MAP3K20: variants seen among roughly 807,000 people sequenced by gnomAD.
MAP3K20 encodes HCCS-4.
Under a neutral mutation model 85.7 loss-of-function variants are expected in MAP3K20, and 40 were observed. That is an observed-to-expected ratio of 0.47 (90% CI 0.36 to 0.61). The LOEUF is 0.61. Among genes scored for constraint, MAP3K20 ranks in the 20% least tolerant of loss-of-function variants. The probability of loss-of-function intolerance (pLI) is 0.00; values close to 1 mark genes in which losing one functional copy is unlikely to be tolerated. For missense variants in MAP3K20, 817 were observed against 961.7 expected, an observed-to-expected ratio of 0.85 and a Z score of 1.99; for synonymous variants, 325 against 327.7, an observed-to-expected ratio of 0.99 and a Z score of 0.09.
At chr2:173,163,709 C>G (rs572984443) in intron 2 of MAP3K20, among the ~76,000 whole-genome samples, 6 of 152,062 alleles carry the variant, frequency 3.9e-5, no homozygotes, top group Non-Finnish European at 8.8e-5. Context: ...AGTGCTGGGA[C>G]GAACATGTGT....
At chr2:173,223,267 G>A (rs892016113) in intron 11 of MAP3K20, 1 of 982,366 alleles carries the variant, frequency 1.0e-6, no homozygotes, top group Admixed American at 6.2e-5. Context: ...AGAATCCTGG[G>A]CTCAGTTGCT....
intron 5 of MAP3K20, among the ~76,000 whole-genome samples, chr2:173,190,023 TA>T (rs1690601648): frequency 6.6e-6 from 1 of 152,156 alleles, no homozygotes; most frequent in South Asian, 2.1e-4. Flanking sequence ...TCCCTCCACA[TA>T]AAATTGTTCA....
At chr2:173,096,815 T>G in intron 2 of MAP3K20, among the ~76,000 whole-genome samples, 1 of 152,232 alleles carries the variant, frequency 6.6e-6, no homozygotes, top group East Asian at 1.9e-4. Context: ...AGTGTACTAT[T>G]TATTTCTGTT....
At chr2:173,202,341 G>A (rs1284219494) in intron 8 of MAP3K20, among the ~76,000 whole-genome samples, 1 of 152,114 alleles carries the variant, frequency 6.6e-6, no homozygotes, top group African/African-American at 2.4e-5. Context: ...CAGAATACAG[G>A]TTGTCAGTTT....
chr2:173,146,114 G>A (rs578215823), intron 2 of MAP3K20, among the ~76,000 whole-genome samples: 21 of 152,120 alleles, frequency 1.4e-4, no homozygotes, highest in Admixed American at 2.6e-4. Context: ...CTTGATTAAG[G>A]TCATACATAG....
chr2:173,117,132 A>G (rs1230028635), intron 2 of MAP3K20, among the ~76,000 whole-genome samples: 1 of 152,258 alleles, frequency 6.6e-6, no homozygotes, highest in Non-Finnish European at 1.5e-5. Flanking sequence ...TAACAATGCA[A>G]TCAATTAAAT....
At chr2:173,190,307 G>T (rs1690611626) in intron 5 of MAP3K20, among the ~76,000 whole-genome samples, 1 of 152,098 alleles carries the variant, frequency 6.6e-6, no homozygotes, top group African/African-American at 2.4e-5. Context: ...ATCTATCCCA[G>T]TTTGTTGTAG....
At chr2:173,223,847 A>G (rs1235392888) in intron 11 of MAP3K20, 32 of 985,320 alleles carry the variant, frequency 3.2e-5, no homozygotes, top group Non-Finnish European at 3.7e-5. Context: ...CCAAGAAGAA[A>G]AGCTTGGAGT....
intron 10 of MAP3K20, among the ~76,000 whole-genome samples, chr2:173,215,466 T>C (rs1414516543): frequency 6.6e-6 from 1 of 152,218 alleles, no homozygotes; most frequent in Admixed American, 6.5e-5. Context: ...AGGGATAAAA[T>C]TTGGATTTTA....
intron 1 of MAP3K20, among the ~76,000 whole-genome samples, chr2:173,076,457 G>A (rs1039298226): frequency 2.0e-5 from 3 of 152,172 alleles, no homozygotes; most frequent in Admixed American, 2.0e-4. Context: ...CCAAATCAGG[G>A]TAGGGTGCAG....
chr2:173,134,754 C>T (rs927081623), intron 2 of MAP3K20, among the ~76,000 whole-genome samples: 1 of 151,906 alleles, frequency 6.6e-6, no homozygotes, highest in African/African-American at 2.4e-5. Context: ...GCTACAGAGC[C>T]CTTTCCATCC....
intron 17 of MAP3K20, among the ~76,000 whole-genome samples, chr2:173,259,381 A>T (rs1685235422): frequency 6.6e-6 from 1 of 152,250 alleles, no homozygotes; most frequent in Non-Finnish European, 1.5e-5. Flanking sequence ...ACTTGTGGAA[A>T]TGCTTAGCTT....
At chr2:173,087,334 A>T (rs965469206) in intron 1 of MAP3K20, among the ~76,000 whole-genome samples, 1 of 152,206 alleles carries the variant, frequency 6.6e-6, no homozygotes, top group Admixed American at 6.5e-5. Context: ...AAGTATTTGA[A>T]GCAGAGACAC....
chr2:173,155,340 A>G (rs917492765), intron 2 of MAP3K20, among the ~76,000 whole-genome samples: 1 of 152,210 alleles, frequency 6.6e-6, no homozygotes, highest in African/African-American at 2.4e-5. Context: ...CTTACTCATG[A>G]AAATTATCTT....
chr2:173,168,853 T>C (rs1374561473), intron 2 of MAP3K20, among the ~76,000 whole-genome samples: 1 of 152,150 alleles, frequency 6.6e-6, no homozygotes, highest in African/African-American at 2.4e-5. Context: ...TTAGCAGATA[T>C]ATATTATAGT....
At chr2:173,151,697 C>T (rs2106227976) in intron 2 of MAP3K20, among the ~76,000 whole-genome samples, 1 of 152,308 alleles carries the variant, frequency 6.6e-6, no homozygotes, top group East Asian at 1.9e-4. Context: ...GCTTTGCAGC[C>T]AGATTGCCTC....
chr2:173,166,946 T>C (rs1447399238), intron 2 of MAP3K20: 1 of 137,482 alleles, frequency 7.3e-6, no homozygotes, highest in Non-Finnish European at 1.5e-5. Context: ...GGAGTCTCGC[T>C]CTTTCGCCCA....
intron 2 of MAP3K20, among the ~76,000 whole-genome samples, chr2:173,121,879 C>T (rs963900724): frequency 6.6e-6 from 1 of 152,200 alleles, no homozygotes; most frequent in Non-Finnish European, 1.5e-5. Context: ...GTCCATGTTA[C>T]TAAGCCCACA....
chr2:173,080,278 C>CA (rs1264187448), intron 1 of MAP3K20, among the ~76,000 whole-genome samples: 3 of 152,270 alleles, frequency 2.0e-5, no homozygotes, highest in Admixed American at 2.0e-4. Flanking sequence ...GCCACTGTAT[C>CA]AATGTGGTAA....
Sources: gnomAD v4.1 joint callset for allele counts (sites outside exome capture counted in the v4.1 genomes callset) on GRCh38, gnomAD v4.1.1 for gene constraint, MANE v1.5 for transcripts, NCBI Gene and HGNC (gene_info 2026-07-23, HGNC 2026-07-21) for gene names.